Variants in PDE4B observed in about 807,000 individuals in gnomAD.
PDE4B encodes phosphodiesterase 4B.
A neutral mutation model predicts 82.2 loss-of-function variants in PDE4B; 20 were observed. That is an observed-to-expected ratio of 0.24 (90% CI 0.17 to 0.35). PDE4B has a LOEUF of 0.35. Ranked by LOEUF, PDE4B falls within the 10% of genes least tolerant of loss-of-function variation. The pLI, the probability that PDE4B is intolerant of heterozygous loss-of-function variation, is 1.00. For missense variants in PDE4B, 655 were observed against 907.2 expected, an observed-to-expected ratio of 0.72 and a Z score of 3.57; for synonymous variants, 320 against 318.9, an observed-to-expected ratio of 1.00 and a Z score of -0.04.
chr1:66,056,861 T>A (rs754892959), intron 3 of PDE4B, among the ~76,000 whole-genome samples: 2 of 152,192 alleles, frequency 1.3e-5, no homozygotes, highest in Non-Finnish European at 2.9e-5. Flanking sequence ...TCCCTGCTGA[T>A]ACCTTGACTT....
At chr1:66,225,359 A>G (rs1253209964) in intron 3 of PDE4B, among the ~76,000 whole-genome samples, 1 of 152,230 alleles carries the variant, frequency 6.6e-6, no homozygotes, top group African/African-American at 2.4e-5. Context: ...ATGGCACAAT[A>G]TCAATCCTCA....
At position 66,018,872 on chromosome 1, in the gene PDE4B, T is replaced by C. The variant is rs1006179249; in HGVS notation, c.281+100037T>C. ...TTATAATAATTAAAAGGTTCTGTGA[T>C]ACAGACTCTGACCTGAGGATAAAGT... is the stretch of plus-strand genomic sequence containing the variant. On this transcript the variant is annotated intron_variant, in intron 3 of 16. Transcript: ENST00000341517. Among the ~76,000 whole-genome samples, 4 of 152,226 alleles carry C rather than the reference T, an allele frequency of 2.6e-5. No individual in the cohort carries two copies. The South Asian group carries it at 6.2e-4, about 24-fold the overall frequency.
intron 16 of PDE4B, among the ~76,000 whole-genome samples, chr1:66,369,539 T>G (rs931659379): frequency 2.6e-5 from 4 of 152,180 alleles, no homozygotes; most frequent in Non-Finnish European, 4.4e-5. Flanking sequence ...GGGACAATAG[T>G]CTGGAGGGGT....
intron 8 of PDE4B, among the ~76,000 whole-genome samples, chr1:66,339,053 T>A (rs1660760746): frequency 1.3e-5 from 2 of 151,972 alleles, no homozygotes; most frequent in Admixed American, 1.3e-4. Flanking sequence ...AAGTTATTCT[T>A]ATTTTTTAAT....
chr1:66,000,778 G>C (rs989868701), intron 3 of PDE4B, among the ~76,000 whole-genome samples: 1 of 152,168 alleles, frequency 6.6e-6, no homozygotes, highest in Non-Finnish European at 1.5e-5. Flanking sequence ...TCAAAACTCA[G>C]CTTTATTGCA....
intron 1 of PDE4B, among the ~76,000 whole-genome samples, chr1:65,842,175 C>G (rs1646214378): frequency 2.6e-5 from 4 of 152,034 alleles, no homozygotes; most frequent in Non-Finnish European, 5.9e-5. Flanking sequence ...CTAATCCAGT[C>G]ATGCCAGGCA....
rs115525532 is a variant in PDE4B at position 66,361,552 on chromosome 1, G to A, written c.842-63G>A. ...TGTTATAGATGGTTAGAGTTGTTTT[G>A]AATATTGCAGTGGATTCTCATAGAC... is the stretch of plus-strand genomic sequence containing the variant. On this transcript the variant is annotated intron_variant, in intron 9 of 16. Coordinates refer to ENST00000341517, the MANE Select transcript of PDE4B (RefSeq NM_002600.4). 1.0e-3 allele frequency: 1,325 copies of A among 1,307,904 alleles called. 14 individuals are homozygous for A. In the African/African-American group the frequency reaches 0.017, roughly 17 times the overall value. The allele number at this position is 1,307,904 out of a possible 1,614,324, so 81.0% of individuals were successfully genotyped here. A position where few individuals can be genotyped will look rare whatever the true frequency, so the allele number is the denominator to read the frequency against.
intron 1 of PDE4B, among the ~76,000 whole-genome samples, chr1:65,841,227 G>A (rs1451145826): frequency 1.3e-5 from 2 of 152,218 alleles, no homozygotes; most frequent in Non-Finnish European, 2.9e-5. Context: ...TAACCCAGGA[G>A]GCAGAGGTTG....
chr1:66,212,258 C>CATA (rs1463289414), intron 3 of PDE4B, among the ~76,000 whole-genome samples: 2 of 152,344 alleles, frequency 1.3e-5, no homozygotes, highest in East Asian at 3.9e-4. Flanking sequence ...CTCTTTCTCT[C>CATA]ATAACCTAAG....
intron 3 of PDE4B, among the ~76,000 whole-genome samples, chr1:65,955,415 G>A (rs1649204775): frequency 6.6e-6 from 1 of 152,064 alleles, no homozygotes; most frequent in Non-Finnish European, 1.5e-5. Flanking sequence ...ATAGAAATGT[G>A]TCTTTCTCCT....
At chr1:65,813,893 C>CAAAAAA (rs5774766) in intron 1 of PDE4B, among the ~76,000 whole-genome samples, 28 of 103,424 alleles carry the variant, frequency 2.7e-4, no homozygotes, top group Non-Finnish European at 3.4e-4. Context: ...GGCACTGCGG[C>CAAAAAA]AAAAAAAAAA....
In PDE4B at chr1:66,084,328, A is replaced by T. The variant is rs1037471275; in HGVS notation, c.282-163132A>T. Reference sequence around the variant, plus strand: ...TGTTCAGAAGATAAAACGCAAATCAATCGCTCATAAGCAGTAAATCTATAT... The same window carrying T: ...TGTTCAGAAGATAAAACGCAAATCATTCGCTCATAAGCAGTAAATCTATAT... On this transcript the variant is annotated intron_variant, in intron 3 of 16. Coordinates refer to ENST00000341517, the MANE Select transcript of PDE4B (RefSeq NM_002600.4). Among the ~76,000 whole-genome samples the T allele has an allele frequency of 4.5e-4, 68 of 152,180 alleles. 1 individual carries two copies. The highest frequency in any genetic ancestry group is 1.8e-4 in the Non-Finnish European group (12 of 68,022).
At chr1:65,834,049 T>C (rs945053038) in intron 1 of PDE4B, among the ~76,000 whole-genome samples, 4 of 152,156 alleles carry the variant, frequency 2.6e-5, no homozygotes, top group Non-Finnish European at 5.9e-5. Context: ...CTTTCTTTCG[T>C]TCTCTGTTTT....
intron 1 of PDE4B, among the ~76,000 whole-genome samples, chr1:65,833,098 A>G (rs1407445920): frequency 6.6e-6 from 1 of 152,228 alleles, no homozygotes; most frequent in Non-Finnish European, 1.5e-5. Context: ...TTTAGATTTA[A>G]GGATGATTTG....
At chr1:66,061,003 G>A (rs1011065379) in intron 3 of PDE4B, among the ~76,000 whole-genome samples, 4 of 151,798 alleles carry the variant, frequency 2.6e-5, no homozygotes, top group Non-Finnish European at 4.4e-5. Context: ...ATAAAATTGA[G>A]AAAGAAGAGT....
intron 3 of PDE4B, among the ~76,000 whole-genome samples, chr1:66,101,914 A>G (rs111379491): frequency 0.042 from 6,402 of 152,258 alleles, 159 homozygotes; most frequent in East Asian, 0.08. Context: ...GCCCATGCCT[A>G]TGTCCTGAAT....
intron 7 of PDE4B, among the ~76,000 whole-genome samples, chr1:66,281,028 C>G (rs781577307): frequency 6.6e-6 from 1 of 152,122 alleles, no homozygotes; most frequent in Non-Finnish European, 1.5e-5. Context: ...AGTTCACAGG[C>G]CTGGGTATCT....
At chr1:65,905,607 G>A (rs1647020560) in intron 1 of PDE4B, among the ~76,000 whole-genome samples, 1 of 152,116 alleles carries the variant, frequency 6.6e-6, no homozygotes, top group Non-Finnish European at 1.5e-5. Flanking sequence ...AAGGAATTTT[G>A]CATTTTTAAA....
intron 3 of PDE4B, among the ~76,000 whole-genome samples, chr1:66,124,479 T>A (rs1645777991): frequency 6.6e-6 from 1 of 152,226 alleles, no homozygotes; most frequent in Non-Finnish European, 1.5e-5. Context: ...AATGACGGAA[T>A]GTGTTATTTT....
Sources: allele counts gnomAD v4.1 joint callset (sites outside exome capture counted in the v4.1 genomes callset), GRCh38; gene constraint gnomAD v4.1.1; transcripts MANE v1.5; gene names NCBI Gene and HGNC (gene_info 2026-07-23, HGNC 2026-07-21).